Variants in SYN2 observed in about 807,000 individuals in gnomAD.
The protein encoded by SYN2 is synapsin-2.
Under a neutral mutation model 50.9 loss-of-function variants are expected in SYN2, and 19 were observed. That is an observed-to-expected ratio of 0.37 (90% CI 0.26 to 0.55). SYN2 has a LOEUF of 0.55. Ranked by LOEUF, SYN2 falls within the 20% of genes least tolerant of loss-of-function variation. SYN2 has a pLI of 0.81. For missense variants in SYN2, 587 were observed against 576.4 expected (o/e 1.02, Z -0.19); for synonymous variants, 255 against 224.9 (o/e 1.13, Z -1.20).
chr3:12,144,176 G>A (rs926088518), intron 3 of SYN2, among the ~76,000 whole-genome samples: 4 of 152,174 alleles, frequency 2.6e-5, no homozygotes, highest in Admixed American at 6.5e-5. Flanking sequence ...CTGGAATAGC[G>A]GTGGCTAGAA....
chr3:12,085,373 ACACACACGCACG>A (rs968240901), intron 1 of SYN2, among the ~76,000 whole-genome samples: 1 of 150,174 alleles, frequency 6.7e-6, no homozygotes, highest in Non-Finnish European at 1.5e-5. Context: ...ACACACACAC[ACACACACGCACG>A]CACGCACGCA....
At chr3:12,170,141 A>G (rs1252991641) in intron 10 of SYN2, among the ~76,000 whole-genome samples, 1 of 152,176 alleles carries the variant, frequency 6.6e-6, no homozygotes, top group Non-Finnish European at 1.5e-5. Context: ...AATTAACCAG[A>G]GGAGCACTGG....
chr3:12,040,077 T>C (rs1244187992), intron 1 of SYN2, among the ~76,000 whole-genome samples: 1 of 152,204 alleles, frequency 6.6e-6, no homozygotes, highest in African/African-American at 2.4e-5. Context: ...ATTTGGGACA[T>C]AAATTGGTGA....
At chr3:12,062,722 A>G (rs1020305502) in intron 1 of SYN2, among the ~76,000 whole-genome samples, 1 of 152,060 alleles carries the variant, frequency 6.6e-6, no homozygotes, top group Non-Finnish European at 1.5e-5. Flanking sequence ...TCCAGCATTC[A>G]TGCTCCTAGG....
chr3:12,017,813 A>T (rs1350805491), intron 1 of SYN2, among the ~76,000 whole-genome samples: 2 of 152,234 alleles, frequency 1.3e-5, no homozygotes, highest in African/African-American at 4.8e-5. Flanking sequence ...ACACTAAAAA[A>T]TGATTTAGAA....
At chr3:12,128,439 T>C (rs1696719656) in intron 1 of SYN2, among the ~76,000 whole-genome samples, 1 of 152,218 alleles carries the variant, frequency 6.6e-6, no homozygotes, top group African/African-American at 2.4e-5. Flanking sequence ...ATGGCCTGCC[T>C]CAAACTGTTG....
At chr3:12,037,290 T>G (rs1392783004) in intron 1 of SYN2, among the ~76,000 whole-genome samples, 2 of 152,238 alleles carry the variant, frequency 1.3e-5, no homozygotes, top group African/African-American at 4.8e-5. Flanking sequence ...CTCCAGATTC[T>G]TCTAGTCTCT....
chr3:12,166,543 G>A (rs1048517891), intron 7 of SYN2, among the ~76,000 whole-genome samples: 1 of 152,134 alleles, frequency 6.6e-6, no homozygotes, highest in African/African-American at 2.4e-5. Flanking sequence ...ATGGATGGAG[G>A]GTGCCGTGGG....
intron 1 of SYN2, among the ~76,000 whole-genome samples, chr3:12,077,449 A>G (rs753099686): frequency 2.0e-5 from 3 of 151,998 alleles, no homozygotes; most frequent in East Asian, 1.9e-4. Flanking sequence ...TGCATTAGCT[A>G]TTTTTCCTAA....
At chr3:12,016,841 G>T (rs1361703526) in intron 1 of SYN2, among the ~76,000 whole-genome samples, 3 of 152,120 alleles carry the variant, frequency 2.0e-5, no homozygotes, top group African/African-American at 7.2e-5. Context: ...GGGTGACAGA[G>T]ACTCCATCTC....
chr3:12,040,663 G>A (rs1462563823), intron 1 of SYN2, among the ~76,000 whole-genome samples: 1 of 151,808 alleles, frequency 6.6e-6, no homozygotes, highest in Non-Finnish European at 1.5e-5. Flanking sequence ...GAGTTGTAAG[G>A]CCATGAGTGT....
At chr3:12,037,975 T>G (rs1219084406) in intron 1 of SYN2, among the ~76,000 whole-genome samples, 1 of 152,248 alleles carries the variant, frequency 6.6e-6, no homozygotes, top group African/African-American at 2.4e-5. Context: ...AAAGAAACTG[T>G]TGCCTAATCC....
chr3:12,114,792 T>C (rs1262245004), intron 1 of SYN2, among the ~76,000 whole-genome samples: 1 of 152,140 alleles, frequency 6.6e-6, no homozygotes, highest in East Asian at 1.9e-4. Flanking sequence ...TTCCCCACCT[T>C]CTCCACAGCT....
rs368929953 is a variant in SYN2 at position 12,116,754 on chromosome 3, A to AT, written c.378-23892dup. 3.1e-3 allele frequency among the ~76,000 whole-genome samples: 478 copies of AT among 151,998 alleles called. 2 individuals carry two copies. The highest frequency in any genetic ancestry group is 0.011 in the African/African-American group (453 of 41,430). The stretch of plus-strand genomic sequence containing the variant: ...AATCTAGGGCATACTTTATTTATTT[A>AT]TTTTTGTTTTTTTGAGACAGGGTCT... On this transcript the variant is annotated intron_variant, in intron 1 of 12. Transcript: ENST00000621198.
At chr3:12,159,293 G>A (rs1041844263) in intron 5 of SYN2, 3 of 163,196 alleles carry the variant, frequency 1.8e-5, no homozygotes, top group Admixed American at 6.3e-5. Context: ...CAGAGAGGCA[G>A]ACAGAATTAC....
At chr3:12,050,638 C>T (rs1181167782) in intron 1 of SYN2, among the ~76,000 whole-genome samples, 1 of 149,312 alleles carries the variant, frequency 6.7e-6, no homozygotes, top group Non-Finnish European at 1.5e-5. Flanking sequence ...GCCACTTTGC[C>T]TAGCCTGGAG....
intron 1 of SYN2, among the ~76,000 whole-genome samples, chr3:12,087,576 C>T (rs75794610): frequency 6.6e-6 from 1 of 151,908 alleles, no homozygotes; most frequent in African/African-American, 2.4e-5. Flanking sequence ...TGGTGAGACC[C>T]TGCCTCTACA....
chr3:12,190,320 A>C (rs923235579), intron 12 of SYN2, among the ~76,000 whole-genome samples, 170 bp from the exon 13 acceptor site: 1 of 152,140 alleles, frequency 6.6e-6, no homozygotes. Flanking sequence ...GAAGTAGCGT[A>C]GGAGTCTCCC....
At chr3:12,103,271 A>C (rs1290108832) in intron 1 of SYN2, among the ~76,000 whole-genome samples, 4 of 152,182 alleles carry the variant, frequency 2.6e-5, no homozygotes, top group Non-Finnish European at 5.9e-5. Flanking sequence ...TTGTTTAAGG[A>C]ACTTAAGGAA....
Sources: gnomAD v4.1 joint callset for allele counts (sites outside exome capture counted in the v4.1 genomes callset) on GRCh38, gnomAD v4.1.1 for gene constraint, MANE v1.5 for transcripts, NCBI Gene and HGNC (gene_info 2026-07-23, HGNC 2026-07-21) for gene names.